Variants in TMEM132B observed in about 807,000 individuals in gnomAD.
The protein encoded by TMEM132B is transmembrane protein 132B.
Under a neutral mutation model 90.8 loss-of-function variants are expected in TMEM132B, and 18 were observed. That is an observed-to-expected ratio of 0.20 (90% CI 0.14 to 0.29). The LOEUF (loss-of-function observed/expected upper bound fraction) is 0.29, where lower values mean the gene tolerates loss of function less well. TMEM132B is among the 10% of genes least tolerant of loss of function. The pLI, the probability that TMEM132B is intolerant of heterozygous loss-of-function variation, is 1.00. For missense variants in TMEM132B, 1,096 were observed against 1,326.8 expected, an observed-to-expected ratio of 0.83 and a Z score of 2.70; for synonymous variants, 504 against 523.3, an observed-to-expected ratio of 0.96 and a Z score of 0.50.
intron 5 of TMEM132B, among the ~76,000 whole-genome samples, chr12:125,632,745 C>A (rs1458572149): frequency 6.6e-6 from 1 of 152,010 alleles, no homozygotes; most frequent in East Asian, 1.9e-4. Context: ...AAGGTTTTTA[C>A]TGAAAATTCT....
At chr12:125,621,902 G>T (rs1428935938) in intron 5 of TMEM132B, among the ~76,000 whole-genome samples, 1 of 152,142 alleles carries the variant, frequency 6.6e-6, no homozygotes, top group Non-Finnish European at 1.5e-5. Context: ...CCAAAGACAC[G>T]CTCTATTTGT....
At chr12:125,464,520 G>T (rs554333523) in intron 3 of TMEM132B, among the ~76,000 whole-genome samples, 1 of 152,192 alleles carries the variant, frequency 6.6e-6, no homozygotes, top group Non-Finnish European at 1.5e-5. Flanking sequence ...TGATGGGCTT[G>T]TGGGCTTCTC....
At chr12:125,421,902 G>A (rs1004742933) in intron 3 of TMEM132B, among the ~76,000 whole-genome samples, 3 of 152,214 alleles carry the variant, frequency 2.0e-5, no homozygotes, top group East Asian at 1.9e-4. Flanking sequence ...AAAGAAGGGA[G>A]ACAGTTGAAT....
chr12:125,232,030 T>A (rs1450449222), intron 1 of TMEM132B, among the ~76,000 whole-genome samples: 1 of 152,200 alleles, frequency 6.6e-6, no homozygotes, highest in African/African-American at 2.4e-5. Context: ...ACATACTTTT[T>A]TGCACTTTGA....
chr12:125,253,488 G>C (rs1188435626), intron 1 of TMEM132B, among the ~76,000 whole-genome samples: 1 of 146,908 alleles, frequency 6.8e-6, no homozygotes, highest in Non-Finnish European at 1.5e-5. Flanking sequence ...AGGCTGGAGT[G>C]CAGTGGTATA....
chr12:125,447,463 A>G (rs1881037429), intron 3 of TMEM132B, among the ~76,000 whole-genome samples: 1 of 152,186 alleles, frequency 6.6e-6, no homozygotes, highest in African/African-American at 2.4e-5. Context: ...TCCTTATAAT[A>G]TGTTAATTCC....
At chr12:125,513,325 TGC>T (rs1171042686) in intron 3 of TMEM132B, among the ~76,000 whole-genome samples, 1 of 122,724 alleles carries the variant, frequency 8.1e-6, no homozygotes, top group East Asian at 2.4e-4. Flanking sequence ...TACTTGTATG[TGC>T]GTGTGCGTGT....
intron 2 of TMEM132B, among the ~76,000 whole-genome samples, chr12:125,404,986 C>A (rs938055591): frequency 6.6e-6 from 1 of 152,200 alleles, no homozygotes; most frequent in African/African-American, 2.4e-5. Flanking sequence ...ATAAACACAC[C>A]TGTAGCACTC....
intron 4 of TMEM132B, among the ~76,000 whole-genome samples, chr12:125,573,486 T>C (rs1187852050): frequency 6.6e-6 from 1 of 152,222 alleles, no homozygotes; most frequent in Non-Finnish European, 1.5e-5. Context: ...AAAACAAACC[T>C]AACTAGAATT....
chr12:125,388,584 G>A (rs1878916000), intron 2 of TMEM132B, among the ~76,000 whole-genome samples: 1 of 152,186 alleles, frequency 6.6e-6, no homozygotes, highest in Non-Finnish European at 1.5e-5. Context: ...TCTAGGCCAG[G>A]ATGGTGAATA....
At chr12:125,367,421 G>A (rs1442085230) in intron 2 of TMEM132B, among the ~76,000 whole-genome samples, 1 of 152,134 alleles carries the variant, frequency 6.6e-6, no homozygotes, top group Non-Finnish European at 1.5e-5. Context: ...TAGCTGACAT[G>A]CTTTGAGACT....
intron 4 of TMEM132B, among the ~76,000 whole-genome samples, chr12:125,540,876 G>A (rs1883937162): frequency 6.6e-6 from 1 of 152,194 alleles, no homozygotes; most frequent in Admixed American, 6.5e-5. Flanking sequence ...ACCAGATCTG[G>A]CCCCTGGCCA....
At position 125,365,694 on chromosome 12, in the gene TMEM132B, T is replaced by G. The variant is rs529977529; in HGVS notation, c.959+15351T>G. Among the ~76,000 whole-genome samples the G allele has an allele frequency of 1.5e-4, 23 of 152,188 alleles. No homozygotes were observed. The South Asian group carries it at 2.5e-3, about 16-fold the overall frequency. ...TATTTGTAGAGTTCTGAGTTGGCAG[T>G]TTTTTTCTTTCAGCATTTTAAAGAT... On this transcript the variant is annotated intron_variant, in intron 2 of 8. Coordinates refer to ENST00000682704, the MANE Select transcript of TMEM132B (RefSeq NM_001366854.1).
At chr12:125,485,450 T>C (rs1882175292) in intron 3 of TMEM132B, among the ~76,000 whole-genome samples, 1 of 152,184 alleles carries the variant, frequency 6.6e-6, no homozygotes, top group South Asian at 2.1e-4. Context: ...ATTAGAAATA[T>C]TAGCACACTG....
chr12:125,372,232 T>G (rs1878315195), intron 2 of TMEM132B, among the ~76,000 whole-genome samples: 1 of 152,250 alleles, frequency 6.6e-6, no homozygotes, highest in Non-Finnish European at 1.5e-5. Flanking sequence ...ATGAGCTTCT[T>G]GCAGACAGGG....
chr12:125,243,711 T>A (rs1334743097), intron 1 of TMEM132B, among the ~76,000 whole-genome samples: 1 of 152,156 alleles, frequency 6.6e-6, no homozygotes, highest in Non-Finnish European at 1.5e-5. Context: ...TTTCCCCCCA[T>A]CCCTCTTCCG....
At chr12:125,351,246 T>C (rs950896681) in intron 2 of TMEM132B, among the ~76,000 whole-genome samples, 1 of 152,226 alleles carries the variant, frequency 6.6e-6, no homozygotes, top group African/African-American at 2.4e-5. Flanking sequence ...TGGGCTTGGC[T>C]GGGTTCCAAT....
chr12:125,644,877 G>T (rs1481571737), intron 6 of TMEM132B, among the ~76,000 whole-genome samples: 2 of 152,110 alleles, frequency 1.3e-5, no homozygotes, highest in Non-Finnish European at 2.9e-5. Flanking sequence ...AATTAGGGAT[G>T]ATAACATTAC....
intron 1 of TMEM132B, among the ~76,000 whole-genome samples, chr12:125,201,754 A>G (rs1197748036): frequency 6.6e-6 from 1 of 152,246 alleles, no homozygotes; most frequent in Non-Finnish European, 1.5e-5. Flanking sequence ...TAAGGGAGAT[A>G]TTGTGTAAGA....
Sources: gnomAD v4.1 joint callset for allele counts (sites outside exome capture counted in the v4.1 genomes callset) on GRCh38, gnomAD v4.1.1 for gene constraint, MANE v1.5 for transcripts, NCBI Gene and HGNC (gene_info 2026-07-23, HGNC 2026-07-21) for gene names.